Variants in MAP4K4 observed in about 807,000 individuals in gnomAD.
MAP4K4 encodes HPK/GCK-like kinase HGK.
In MAP4K4, 38 loss-of-function variants were observed where a neutral mutation model predicts 189.6. That is an observed-to-expected ratio of 0.20 (90% CI 0.15 to 0.26). The LOEUF (loss-of-function observed/expected upper bound fraction) is 0.26. Ranked by LOEUF, MAP4K4 falls within the 10% of genes least tolerant of loss-of-function variation. The pLI, the probability that MAP4K4 is intolerant of heterozygous loss-of-function variation, is 1.00. For missense variants in MAP4K4, 1,054 were observed against 1,726.9 expected (o/e 0.61, Z 6.91); for synonymous variants, 610 against 624.3 (o/e 0.98, Z 0.34).
At chr2:101,830,913 T>C (rs895293965) in intron 6 of MAP4K4, among the ~76,000 whole-genome samples, 1 of 152,202 alleles carries the variant, frequency 6.6e-6, no homozygotes, top group Non-Finnish European at 1.5e-5. Flanking sequence ...GTCCACACCC[T>C]GGACGAGCCA....
chr2:101,823,357 C>T (rs1394271910), intron 3 of MAP4K4, among the ~76,000 whole-genome samples: 2 of 152,150 alleles, frequency 1.3e-5, no homozygotes, highest in African/African-American at 4.8e-5. Context: ...CGTAGCTGAA[C>T]CTCTTTTCGG....
chr2:101,832,846 G>C (rs558124502), intron 7 of MAP4K4, among the ~76,000 whole-genome samples: 1 of 151,626 alleles, frequency 6.6e-6, no homozygotes, highest in South Asian at 2.1e-4. Flanking sequence ...AAGAGCCTGG[G>C]CCTGTTGTCT....
At chr2:101,821,978 C>T (rs961209864) in intron 3 of MAP4K4, among the ~76,000 whole-genome samples, 1 of 152,198 alleles carries the variant, frequency 6.6e-6, no homozygotes, top group Non-Finnish European at 1.5e-5. Flanking sequence ...ATCAGTATCC[C>T]TGTCTTCCAC....
rs569694979 is a variant in MAP4K4 at position 101,779,945 on chromosome 2, C to T, written c.124-10775C>T. On this transcript the variant is annotated intron_variant, in intron 2 of 32. Coordinates refer to ENST00000324219, the Ensembl canonical transcript of MAP4K4. ...AAACAAATGCTGTTGTCAGAGACCA[C>T]GTGCAGGAAAGGAATATGTCTTCTA... is the stretch of plus-strand genomic sequence containing the variant. Among the ~76,000 whole-genome samples, 5 of 152,132 alleles carry T rather than the reference C, an allele frequency of 3.3e-5. No individual in the cohort carries two copies. The South Asian group carries it at 8.3e-4, about 25-fold the overall frequency.
In MAP4K4 at chr2:101,842,603, T is replaced by G; in HGVS notation, c.950-6T>G. The G allele has an allele frequency of 6.3e-7, 1 of 1,593,018 alleles. No homozygotes were observed. Among genetic ancestry groups the G allele is most frequent in the Non-Finnish European group, 8.6e-7 (1 of 1,168,580 alleles). ...TGTCCCATTTATCTTGTCCTTTTCT[T>G]CATAGATGAAACTGAGTATGAGTAC... On this transcript the variant is annotated splice_polypyrimidine_tract_variant and splice_region_variant and intron_variant, in intron 10 of 32. Coordinates refer to ENST00000324219, the Ensembl canonical transcript of MAP4K4.
chr2:101,791,018 A>T (rs1208846631), intron 3 of MAP4K4, among the ~76,000 whole-genome samples: 6 of 152,186 alleles, frequency 3.9e-5, no homozygotes, highest in African/African-American at 1.4e-4. Context: ...CATCTGAGTG[A>T]TGTCATCCTT....
At chr2:101,864,933 C>G in exon 18 of MAP4K4, 2 of 1,559,364 alleles carry the variant, frequency 1.3e-6, no homozygotes, top group Non-Finnish European at 1.7e-6. Context: ...CTTAAAGGTT[C>G]CTGTGAGAAC....
At chr2:101,791,670 C>G (rs1044712257) in intron 3 of MAP4K4, among the ~76,000 whole-genome samples, 2 of 152,172 alleles carry the variant, frequency 1.3e-5, no homozygotes, top group African/African-American at 4.8e-5. Context: ...TAATGGCTAA[C>G]CTGATCTCTA....
intron 2 of MAP4K4, among the ~76,000 whole-genome samples, chr2:101,762,134 CTT>C (rs1201352794): frequency 1.3e-5 from 2 of 152,262 alleles, no homozygotes; most frequent in East Asian, 3.9e-4. Flanking sequence ...AGTGAATTGA[CTT>C]TTAGTTAAGC....
chr2:101,770,867 A>C (rs1319790331), intron 2 of MAP4K4, among the ~76,000 whole-genome samples: 2 of 152,164 alleles, frequency 1.3e-5, no homozygotes. Flanking sequence ...GATGGCGCTA[A>C]ATTGTGACCA....
intron 2 of MAP4K4, among the ~76,000 whole-genome samples, chr2:101,753,372 A>G (rs1234610093): frequency 6.6e-6 from 1 of 152,250 alleles, no homozygotes; most frequent in Non-Finnish European, 1.5e-5. Flanking sequence ...TCTTTGTTTG[A>G]AATAGTTTTT....
At chr2:101,804,022 C>T (rs1274469904) in intron 3 of MAP4K4, among the ~76,000 whole-genome samples, 1 of 152,168 alleles carries the variant, frequency 6.6e-6, no homozygotes, top group Non-Finnish European at 1.5e-5. Flanking sequence ...TAAATGGCCT[C>T]AGCGTTGCGG....
chr2:101,781,887 G>C (rs1028295410), intron 2 of MAP4K4, among the ~76,000 whole-genome samples: 4 of 152,174 alleles, frequency 2.6e-5, no homozygotes, highest in African/African-American at 4.8e-5. Flanking sequence ...TGAGCTTGCT[G>C]TCTGGTCCCC....
At chr2:101,862,923 T>C (rs2097709200) in intron 16 of MAP4K4, among the ~76,000 whole-genome samples, 1 of 152,230 alleles carries the variant, frequency 6.6e-6, no homozygotes, top group African/African-American at 2.4e-5. Flanking sequence ...TCAAGTACAT[T>C]GATGTAATAG....
At chr2:101,739,530 G>A (rs2061735518) in intron 2 of MAP4K4, among the ~76,000 whole-genome samples, 1 of 152,098 alleles carries the variant, frequency 6.6e-6, no homozygotes, top group South Asian at 2.1e-4. Flanking sequence ...GTTCTCTGGA[G>A]GTTGTCAGCT....
intron 2 of MAP4K4, among the ~76,000 whole-genome samples, chr2:101,744,222 A>G (rs535260400): frequency 2.9e-4 from 44 of 152,358 alleles, no homozygotes; most frequent in African/African-American, 9.6e-4. Flanking sequence ...CTAAAAAGAG[A>G]GGCGAAATTA....
At chr2:101,754,313 A>T (rs1405240347) in intron 2 of MAP4K4, among the ~76,000 whole-genome samples, 2 of 145,818 alleles carry the variant, frequency 1.4e-5, no homozygotes, top group Non-Finnish European at 3.0e-5. Flanking sequence ...GGTATATTAG[A>T]GGCTTTGAGT....
At chr2:101,794,544 G>A (rs1318058489) in intron 3 of MAP4K4, among the ~76,000 whole-genome samples, 3 of 152,170 alleles carry the variant, frequency 2.0e-5, no homozygotes, top group African/African-American at 7.2e-5. Flanking sequence ...TTTTGTTTGT[G>A]TGTGTGTACT....
chr2:101,869,788 C>T, exon 22 of MAP4K4: 7 of 1,562,812 alleles, frequency 4.5e-6, no homozygotes, highest in South Asian at 1.2e-5. Flanking sequence ...CCAGAGGACA[C>T]CAGAGCAGCG....
Sources: gnomAD v4.1 joint callset for allele counts (sites outside exome capture counted in the v4.1 genomes callset) on GRCh38, gnomAD v4.1.1 for gene constraint, MANE v1.5 for transcripts, NCBI Gene and HGNC (gene_info 2026-07-23, HGNC 2026-07-21) for gene names.